MAP4: variants seen among roughly 807,000 people sequenced by gnomAD.
The protein encoded by MAP4 is microtubule associated protein 4.
In MAP4, 76 loss-of-function variants were observed where a neutral mutation model predicts 170.2. The ratio of observed to expected loss-of-function variants is 0.45; its 90% CI spans 0.37 to 0.54. MAP4 has a LOEUF of 0.54. MAP4 is among the 20% of genes least tolerant of loss of function. The probability of loss-of-function intolerance (pLI) is 0.00; values close to 1 mark genes in which losing one functional copy is unlikely to be tolerated. For synonymous variants in MAP4, 909 were observed against 994.5 expected (o/e 0.91, Z 1.62); for missense variants, 2,506 against 2,748.0 (o/e 0.91, Z 1.97).
intron 3 of MAP4, among the ~76,000 whole-genome samples, chr3:47,941,416 C>T (rs2100056316): frequency 6.6e-6 from 1 of 151,744 alleles, no homozygotes; most frequent in African/African-American, 2.4e-5. Context: ...TTGTGACAGA[C>T]TGAATGCAGA....
At chr3:47,897,210 T>C (rs1352779923) in intron 10 of MAP4, among the ~76,000 whole-genome samples, 2 of 152,142 alleles carry the variant, frequency 1.3e-5, no homozygotes, top group African/African-American at 2.4e-5. Flanking sequence ...AACTACAACC[T>C]CTGCCTCCCA....
Position 47,871,999 on chromosome 3 carries a change from T to C in MAP4, c.5859A>G (p.Ala1953=), listed in dbSNP as rs1223681863. 1.2e-6 allele frequency: 2 copies of C among 1,613,958 alleles called. No individual in the cohort carries two copies. The highest frequency in any genetic ancestry group is 1.1e-5 in the South Asian group (1 of 91,088). The change falls in exon 13 of 21, where the codon GCA becomes GCG. Residue 1953 remains alanine, a synonymous_variant. Transcript: ENST00000683076. ...CAACAGCAGCAGCTGTTGTGGTTTT[T>C]GCAACAGTCTGAGTGCTCTTGGACC... ...RSGSKSTQTV[A]KTTTAAAVAS...
At chr3:47,858,857 G>A (rs1240235003) in intron 17 of MAP4, among the ~76,000 whole-genome samples, 5 of 151,784 alleles carry the variant, frequency 3.3e-5, no homozygotes, top group Admixed American at 6.6e-5. Context: ...GGCTGGGCAC[G>A]GTGGCTCACG....
At position 47,910,850 on chromosome 3, in the gene MAP4, C is replaced by T. The variant is rs1481879377; in HGVS notation, c.3571G>A (p.Glu1191Lys). ...KDMGVNNQSK[E>K]GRCPWKDHEA... ...TGATCCTTCCATGGACACCTTCCTT[C>T]CTTGCTCTGGTTATTGACACCCATA... The change falls in exon 9 of 21, where the codon GAA (glutamate) becomes AAA (lysine). Residue 1191 changes from glutamate (E) to lysine (K), a missense_variant. Glu to Lys is a moderately conservative substitution (Grantham distance 56). Around this residue, in one of 3 missense-constraint regions of MAP4, gnomAD observed 2,008 missense variants for 2,206.0 expected, o/e 0.91. Transcript: ENST00000683076. The T allele has an allele frequency of 1.2e-5, 18 of 1,536,140 alleles. No individual in the cohort carries two copies. Among genetic ancestry groups the T allele is most frequent in the Non-Finnish European group, 1.3e-5 (15 of 1,146,914 alleles).
chr3:47,953,775 A>G (rs2100066038), intron 3 of MAP4, among the ~76,000 whole-genome samples: 1 of 152,184 alleles, frequency 6.6e-6, no homozygotes, highest in South Asian at 2.1e-4. Flanking sequence ...GTACTTTGGG[A>G]GGCCGAGCCA....
At position 47,910,426 on chromosome 3, in the gene MAP4, C is replaced by T. The variant is rs1470252762; in HGVS notation, c.3995G>A (p.Gly1332Glu). The T allele has an allele frequency of 2.0e-6, 3 of 1,536,136 alleles. No homozygotes were observed. The highest frequency in any genetic ancestry group is 1.2e-5 in the South Asian group (1 of 84,044). ...TDVSCQEQIQ[G>E]AGFVPSVVSE... ...TACTACTGAAGGAACAAATCCTGCC[C>T]CCTGGATTTGCTCTTGGCAGCTCAC... is the stretch of plus-strand genomic sequence containing the variant. Residue 1332 changes from glycine to glutamate, a missense_variant, in exon 9 of 21, where the codon GGG becomes GAG. Around this residue, in one of 3 missense-constraint regions of MAP4, gnomAD observed 2,008 missense variants for 2,206.0 expected, o/e 0.91. Transcript: ENST00000683076.
intron 17 of MAP4, among the ~76,000 whole-genome samples, chr3:47,863,700 G>A (rs1169931004): frequency 6.6e-6 from 1 of 151,652 alleles, no homozygotes; most frequent in African/African-American, 2.4e-5. Context: ...AACCAAAACG[G>A]ACACAAAATC....
intron 2 of MAP4, among the ~76,000 whole-genome samples, chr3:47,978,394 T>C (rs1051820767): frequency 2.0e-5 from 3 of 152,174 alleles, no homozygotes; most frequent in Admixed American, 2.0e-4. Flanking sequence ...CTCGGCTCAC[T>C]GCAACCTCCG....
At chr3:47,891,703 C>A (rs1376340338) in intron 10 of MAP4, 22 of 1,536,550 alleles carry the variant, frequency 1.4e-5, no homozygotes, top group South Asian at 5.9e-5. Context: ...AGCTTGCATT[C>A]AAATGTTCCT....
At chr3:47,977,192 C>G (rs1220253608) in intron 3 of MAP4, among the ~76,000 whole-genome samples, 1 of 152,202 alleles carries the variant, frequency 6.6e-6, no homozygotes, top group Non-Finnish European at 1.5e-5. Flanking sequence ...ACACGCAACT[C>G]TCACATCAGC....
Position 48,053,532 on chromosome 3 carries a change from A to AT in MAP4, c.-20+35240dup, listed in dbSNP as rs1008615729. Among the ~76,000 whole-genome samples, 5 of 151,932 alleles carry AT rather than the reference A, an allele frequency of 3.3e-5. 1 individual carries two copies. The highest frequency in any genetic ancestry group is 4.1e-4 in the South Asian group (2 of 4,830). On this transcript the variant is annotated intron_variant, in intron 1 of 18. Transcript: ENST00000360240. ...TTCGTAAAGCCACATGAACACTTTT[A>AT]TTTTTTTTATTTTTAAACTTTAAAA...
chr3:47,989,096 C>G (rs914132040), intron 2 of MAP4, among the ~76,000 whole-genome samples: 10 of 152,144 alleles, frequency 6.6e-5, no homozygotes, highest in African/African-American at 2.4e-4. Flanking sequence ...CAGGCATGAG[C>G]CACCATGCCC....
chr3:48,015,526 G>GTA (rs1487148884), intron 1 of MAP4, among the ~76,000 whole-genome samples: 1 of 152,062 alleles, frequency 6.6e-6, no homozygotes, highest in African/African-American at 2.4e-5. Flanking sequence ...ATGGATACAG[G>GTA]TATAGCCTGC....
At chr3:47,949,131 C>T (rs1044260361) in intron 3 of MAP4, among the ~76,000 whole-genome samples, 7 of 152,220 alleles carry the variant, frequency 4.6e-5, no homozygotes, top group Middle Eastern at 3.4e-3. Flanking sequence ...ACATATACTA[C>T]GTGCCAGGTT....
Position 48,051,027 on chromosome 3 carries a change from C to G in MAP4, c.-20+37746G>C, listed in dbSNP as rs185359263. Among the ~76,000 whole-genome samples the G allele has an allele frequency of 2.0e-4, 30 of 151,936 alleles. 1 individual carries two copies. Among genetic ancestry groups the G allele is most frequent in the Admixed American group, 1.2e-3 (19 of 15,232 alleles). On this transcript the variant is annotated intron_variant, in intron 1 of 18. Transcript: ENST00000360240. ...AATGGAAGAATGAGGGAAGGGAACA[C>G]AAACATCTTGGATTCACAGTCTATG...
intron 10 of MAP4, among the ~76,000 whole-genome samples, chr3:47,890,489 T>C (rs139442422): frequency 9.3e-4 from 142 of 152,242 alleles, no homozygotes; most frequent in African/African-American, 3.3e-3. Context: ...AAGTAAAACG[T>C]TCTCCAAAGC....
intron 17 of MAP4, among the ~76,000 whole-genome samples, chr3:47,862,218 G>A (rs1448642824): frequency 6.7e-6 from 1 of 149,490 alleles, no homozygotes; most frequent in Non-Finnish European, 1.5e-5. Flanking sequence ...TGTAGTTTCT[G>A]ACATAAGAGT....
intron 3 of MAP4, among the ~76,000 whole-genome samples, chr3:47,967,328 CCG>C (rs1470911934): frequency 6.6e-6 from 1 of 151,906 alleles, no homozygotes; most frequent in Non-Finnish European, 1.5e-5. Context: ...GAGCGAGACT[CCG>C]TCACAAAAAA....
At chr3:47,975,698 A>C (rs1178280844) in intron 3 of MAP4, among the ~76,000 whole-genome samples, 1 of 152,128 alleles carries the variant, frequency 6.6e-6, no homozygotes, top group Non-Finnish European at 1.5e-5. Flanking sequence ...GCCAAATTAG[A>C]ATGAAGTCAC....
Sources: allele counts gnomAD v4.1 joint callset (sites outside exome capture counted in the v4.1 genomes callset), GRCh38; gene constraint gnomAD v4.1.1; regional missense constraint gnomAD v4.1.1; transcripts MANE v1.5; gene names NCBI Gene and HGNC (gene_info 2026-07-23, HGNC 2026-07-21).